NALF1: variants seen among roughly 807,000 people sequenced by gnomAD.
NALF1 encodes family with sequence similarity 155 member A.
In NALF1, 3 loss-of-function variants were observed where a neutral mutation model predicts 48.4. The ratio of observed to expected loss-of-function variants is 0.06; its 90% CI spans 0.03 to 0.16. The LOEUF is 0.16. NALF1 is among the 10% of genes least tolerant of loss of function. NALF1 has a pLI of 1.00. For missense variants in NALF1, 526 were observed against 571.5 expected (o/e 0.92, Z 0.81); for synonymous variants, 262 against 245.7 (o/e 1.07, Z -0.62).
chr13:107,518,748 T>A (rs1406841649), intron 1 of NALF1, among the ~76,000 whole-genome samples: 1 of 152,162 alleles, frequency 6.6e-6, no homozygotes, highest in African/African-American at 2.4e-5. Context: ...GCCCATTTAC[T>A]TATTTGGACA....
intron 1 of NALF1, among the ~76,000 whole-genome samples, chr13:107,526,290 C>T (rs550198603): frequency 6.6e-6 from 1 of 152,114 alleles, no homozygotes; most frequent in Admixed American, 6.6e-5. Flanking sequence ...ACCACAGTGC[C>T]TCTGAACTCA....
chr13:107,196,479 A>G (rs1367106157), intron 2 of NALF1, among the ~76,000 whole-genome samples: 4 of 152,244 alleles, frequency 2.6e-5, no homozygotes, highest in Non-Finnish European at 5.9e-5. Flanking sequence ...AAACTGATAT[A>G]TAAGAATATA....
intron 1 of NALF1, among the ~76,000 whole-genome samples, chr13:107,369,254 A>C (rs1883206585): frequency 6.6e-6 from 1 of 152,134 alleles, no homozygotes; most frequent in Non-Finnish European, 1.5e-5. Flanking sequence ...TTATGTTTCA[A>C]TATATGAAGT....
chr13:107,391,646 A>G (rs1332652708), intron 1 of NALF1, among the ~76,000 whole-genome samples: 2 of 152,132 alleles, frequency 1.3e-5, no homozygotes. Context: ...CTTTGTGCCC[A>G]CAATCCTTTA....
At chr13:107,419,787 G>A (rs1884155402) in intron 1 of NALF1, among the ~76,000 whole-genome samples, 1 of 152,156 alleles carries the variant, frequency 6.6e-6, no homozygotes, top group Non-Finnish European at 1.5e-5. Flanking sequence ...AGTGGAATAA[G>A]CAAATTGATA....
At chr13:107,646,798 G>C (rs1261515328) in intron 1 of NALF1, among the ~76,000 whole-genome samples, 2 of 151,982 alleles carry the variant, frequency 1.3e-5, no homozygotes, top group Non-Finnish European at 2.9e-5. Flanking sequence ...AATTTATGAG[G>C]TTAATTTATG....
chr13:107,467,256 AC>A (rs1271350779), intron 1 of NALF1, among the ~76,000 whole-genome samples: 3 of 151,794 alleles, frequency 2.0e-5, no homozygotes, highest in Non-Finnish European at 4.4e-5. Context: ...CATTTCTATT[AC>A]AAGTAGAAAT....
intron 1 of NALF1, among the ~76,000 whole-genome samples, chr13:107,287,919 C>A (rs994981725): frequency 1.3e-5 from 2 of 151,752 alleles, no homozygotes; most frequent in African/African-American, 4.8e-5. Context: ...CTTGGCCAGT[C>A]TGGTCTTGAA....
At chr13:107,288,920 T>G (rs1463887591) in intron 1 of NALF1, among the ~76,000 whole-genome samples, 1 of 152,212 alleles carries the variant, frequency 6.6e-6, no homozygotes, top group African/African-American at 2.4e-5. Context: ...TTATGTTCTT[T>G]ATTTGCTACA....
At chr13:107,264,641 GA>G (rs1421315065) in intron 1 of NALF1, among the ~76,000 whole-genome samples, 3 of 152,156 alleles carry the variant, frequency 2.0e-5, no homozygotes, top group Admixed American at 1.3e-4. Context: ...GCCTTAGAAG[GA>G]ACAACTATTA....
chr13:107,708,086 G>C (rs927547341), intron 1 of NALF1, among the ~76,000 whole-genome samples: 2 of 150,384 alleles, frequency 1.3e-5, no homozygotes, highest in African/African-American at 4.9e-5. Flanking sequence ...TCTAGAAAAC[G>C]CTCCTATAAT....
intron 1 of NALF1, among the ~76,000 whole-genome samples, chr13:107,360,898 G>A (rs187234359): frequency 6.6e-6 from 1 of 151,076 alleles, no homozygotes; most frequent in African/African-American, 2.4e-5. Flanking sequence ...CCATATTTTT[G>A]GCTAATAAAG....
intron 1 of NALF1, among the ~76,000 whole-genome samples, chr13:107,375,029 T>C (rs1362255415): frequency 6.6e-6 from 1 of 152,190 alleles, no homozygotes; most frequent in African/African-American, 2.4e-5. Context: ...ATATAGCTTC[T>C]AACTGTATAA....
intron 1 of NALF1, among the ~76,000 whole-genome samples, chr13:107,858,776 TA>T (rs1880498057): frequency 6.6e-6 from 1 of 152,234 alleles, no homozygotes; most frequent in African/African-American, 2.4e-5. Flanking sequence ...AAATCTGTAA[TA>T]ATACTTCCCT....
chr13:107,271,718 G>A (rs900809882), intron 1 of NALF1, among the ~76,000 whole-genome samples: 2 of 148,574 alleles, frequency 1.3e-5, no homozygotes, highest in Non-Finnish European at 3.0e-5. Flanking sequence ...AGAGCCCTGT[G>A]TCTGTACAAG....
At chr13:107,444,616 C>CTA (rs1190507057) in intron 1 of NALF1, among the ~76,000 whole-genome samples, 1 of 152,124 alleles carries the variant, frequency 6.6e-6, no homozygotes, top group Non-Finnish European at 1.5e-5. Context: ...TTTTGACGAG[C>CTA]TATAATAGAG....
intron 1 of NALF1, among the ~76,000 whole-genome samples, chr13:107,742,566 C>T (rs1876671213): frequency 1.3e-5 from 2 of 152,182 alleles, no homozygotes; most frequent in Non-Finnish European, 2.9e-5. Flanking sequence ...TCCCCTTCCA[C>T]CATGATTGTA....
intron 1 of NALF1, among the ~76,000 whole-genome samples, chr13:107,517,364 C>T (rs757646050): frequency 6.6e-6 from 1 of 152,166 alleles, no homozygotes; most frequent in Non-Finnish European, 1.5e-5. Context: ...GGCACAGTGG[C>T]TCATGCCTAT....
At chr13:107,390,459 C>A (rs1883604656) in intron 1 of NALF1, among the ~76,000 whole-genome samples, 1 of 151,756 alleles carries the variant, frequency 6.6e-6, no homozygotes, top group Admixed American at 6.6e-5. Flanking sequence ...ATTCTTGAAT[C>A]AATAAAGTAT....
Sources: gnomAD v4.1 joint callset for allele counts (sites outside exome capture counted in the v4.1 genomes callset) on GRCh38, gnomAD v4.1.1 for gene constraint, MANE v1.5 for transcripts, NCBI Gene and HGNC (gene_info 2026-07-23, HGNC 2026-07-21) for gene names.